Variants in TRAPPC3L observed in about 807,000 individuals in gnomAD.
TRAPPC3L encodes the protein trafficking protein particle complex subunit 3-like protein.
TRAPPC3L carries 23 observed loss-of-function variants against 23.7 expected under a neutral mutation model. The ratio of observed to expected loss-of-function variants is 0.97; its 90% CI spans 0.70 to 1.37. The LOEUF is 1.37. Among genes scored for constraint, TRAPPC3L ranks in the 40% most tolerant of loss-of-function variants. The pLI, the probability that TRAPPC3L is intolerant of heterozygous loss-of-function variation, is 0.00. For synonymous variants in TRAPPC3L, 81 were observed against 77.9 expected, an observed-to-expected ratio of 1.04 and a Z score of -0.21; for missense variants, 212 against 216.8, an observed-to-expected ratio of 0.98 and a Z score of 0.14.
At chr6:116,532,012 C>T (rs758490807) in intron 3 of TRAPPC3L, among the ~76,000 whole-genome samples, 5 of 151,942 alleles carry the variant, frequency 3.3e-5, no homozygotes, top group Non-Finnish European at 5.9e-5. Flanking sequence ...AGGATCCTAC[C>T]GCAGTTTAAA....
chr6:116,543,794 A>G, intron 1 of TRAPPC3L: 1 of 1,530,616 alleles, frequency 6.5e-7, no homozygotes, highest in Non-Finnish European at 8.7e-7. Flanking sequence ...AAGACTTCTC[A>G]GGCGTCTGCA....
chr6:116,544,230 G>C (rs1375975908), intron 1 of TRAPPC3L, among the ~76,000 whole-genome samples: 1 of 151,460 alleles, frequency 6.6e-6, no homozygotes, highest in Non-Finnish European at 1.5e-5. Flanking sequence ...ATTTGAAAAA[G>C]AGAAAAGTAG....
intron 3 of TRAPPC3L, chr6:116,520,910 G>T (rs906117787): frequency 6.6e-6 from 1 of 151,596 alleles, no homozygotes. Flanking sequence ...GTTTTACAGT[G>T]AGCATTTTTT....
In TRAPPC3L at chr6:116,495,071, G is replaced by C. The variant is rs2640862; in HGVS notation, c.*1883C>G. On this transcript the variant is annotated 3_prime_UTR_variant, in exon 5 of 5. Transcript: ENST00000368602. ...TCCCACTTTGGCATCCCAAAGTGCAGAGATTACAGGCTTGTGCCACCATGC... is the reference window on the plus strand; with the variant it reads ...TCCCACTTTGGCATCCCAAAGTGCACAGATTACAGGCTTGTGCCACCATGC... The C allele has an allele frequency of 7.2e-6, 1 of 139,786 alleles. No homozygotes were observed. The highest frequency in any genetic ancestry group is 2.7e-5 in the African/African-American group (1 of 37,072). The allele number at this position is 139,786 out of a possible 1,614,324, so 8.7% of individuals were successfully genotyped here.
At chr6:116,501,629 C>G (rs992401876) in intron 3 of TRAPPC3L, among the ~76,000 whole-genome samples, 8 of 152,140 alleles carry the variant, frequency 5.3e-5, no homozygotes, top group Admixed American at 2.6e-4. Context: ...TGACAGACAC[C>G]TCATACAGGC....
chr6:116,541,750 C>T (rs1446571727), intron 2 of TRAPPC3L, among the ~76,000 whole-genome samples: 1 of 152,168 alleles, frequency 6.6e-6, no homozygotes, highest in African/African-American at 2.4e-5. Context: ...TTCTAATTCT[C>T]ACTTTGCATA....
At chr6:116,539,347 G>A (rs1331406013) in intron 3 of TRAPPC3L, among the ~76,000 whole-genome samples, 2 of 152,042 alleles carry the variant, frequency 1.3e-5, no homozygotes, top group East Asian at 1.9e-4. Flanking sequence ...GAAGATACTC[G>A]AATAACAGTT....
chr6:116,524,629 A>C (rs1397270942), intron 3 of TRAPPC3L: 1 of 152,118 alleles, frequency 6.6e-6, no homozygotes, highest in Non-Finnish European at 1.5e-5. Context: ...AAGATGTTTT[A>C]TCCTATATTC....
Position 116,495,631 on chromosome 6 carries a change from C to A in TRAPPC3L, c.*1323G>T, listed in dbSNP as rs548049796. On this transcript the variant is annotated 3_prime_UTR_variant, in exon 5 of 5. Transcript: ENST00000368602. ...TGGTTATACTAATTTACATTCCCAC[C>A]AACAGTGTACCAGAGTTCCCTCTTC... 6.6e-6 allele frequency: 1 copy of A among 152,256 alleles called. No homozygotes were observed. The highest frequency in any genetic ancestry group is 1.9e-4 in the East Asian group (1 of 5,178). 9.4% of individuals were successfully genotyped at this position (152,256 alleles called of 1,614,324 possible). A position where few individuals can be genotyped will look rare whatever the true frequency, so the allele number is the denominator to read the frequency against.
intron 1 of TRAPPC3L, among the ~76,000 whole-genome samples, chr6:116,544,149 A>AG (rs1773626252): frequency 2.9e-5 from 2 of 69,616 alleles, no homozygotes; most frequent in South Asian, 4.0e-4. Context: ...GCAAAGGTGA[A>AG]GAAGAGAGAG....
intron 3 of TRAPPC3L, among the ~76,000 whole-genome samples, chr6:116,515,110 TTGTATCGTC>T (rs1201793599): frequency 1.3e-5 from 2 of 152,200 alleles, no homozygotes; most frequent in East Asian, 3.9e-4. Flanking sequence ...AGCTTCCTGA[TTGTATCGTC>T]TGTCTCCCTT....
chr6:116,500,457 C>G (rs769701213), intron 4 of TRAPPC3L, 24 bp downstream of exon 4: 4 of 1,529,786 alleles, frequency 2.6e-6, no homozygotes, highest in Non-Finnish European at 3.5e-6. Context: ...ATTCTTCATT[C>G]ATTCTTCACT....
chr6:116,523,051 A>G (rs1772374576), intron 3 of TRAPPC3L: 1 of 145,392 alleles, frequency 6.9e-6, no homozygotes, highest in Non-Finnish European at 1.5e-5. Context: ...GATAATCTGC[A>G]TTTCTAACAG....
intron 2 of TRAPPC3L, among the ~76,000 whole-genome samples, chr6:116,540,855 A>G (rs1218658458): frequency 6.6e-6 from 1 of 152,178 alleles, no homozygotes; most frequent in Non-Finnish European, 1.5e-5. Flanking sequence ...TACATGTGTG[A>G]TACCCGGATG....
At chr6:116,535,948 A>T (rs1430346990) in intron 3 of TRAPPC3L, among the ~76,000 whole-genome samples, 2 of 152,190 alleles carry the variant, frequency 1.3e-5, no homozygotes, top group African/African-American at 4.8e-5. Context: ...TAGATGATAG[A>T]TGTTCTTTTT....
At chr6:116,507,107 A>AATTAC (rs3058771) in intron 3 of TRAPPC3L, among the ~76,000 whole-genome samples, 62,380 of 151,774 alleles carry the variant, frequency 0.41, 13,622 homozygotes, top group East Asian at 0.56. Flanking sequence ...GTTTGTAAAA[A>AATTAC]ATTAAATCAT....
At chr6:116,504,878 A>G (rs910447393) in intron 3 of TRAPPC3L, among the ~76,000 whole-genome samples, 1 of 152,232 alleles carries the variant, frequency 6.6e-6, no homozygotes, top group African/African-American at 2.4e-5. Context: ...CAAAATAATA[A>G]GAGCTATTTA....
At chr6:116,526,457 T>C (rs1204638208) in intron 3 of TRAPPC3L, among the ~76,000 whole-genome samples, 1 of 152,176 alleles carries the variant, frequency 6.6e-6, no homozygotes, top group African/African-American at 2.4e-5. Context: ...TAGGATCACT[T>C]GGAGAGCATT....
chr6:116,540,805 A>G (rs927197049), intron 2 of TRAPPC3L, among the ~76,000 whole-genome samples: 3 of 152,192 alleles, frequency 2.0e-5, no homozygotes, highest in Non-Finnish European at 2.9e-5. Context: ...ATCATTAGCT[A>G]TTGATGGAAA....
Sources: gnomAD v4.1 joint callset for allele counts (sites outside exome capture counted in the v4.1 genomes callset) on GRCh38, gnomAD v4.1.1 for gene constraint, MANE v1.5 for transcripts, NCBI Gene and HGNC (gene_info 2026-07-23, HGNC 2026-07-21) for gene names.